SGMS1: variants seen among roughly 807,000 people sequenced by gnomAD.
The protein encoded by SGMS1 is sphingomyelin synthase 1, also known as phosphatidylcholine:ceramide cholinephosphotransferase 1.
Under a neutral mutation model 46.2 loss-of-function variants are expected in SGMS1, and 13 were observed. The ratio of observed to expected loss-of-function variants is 0.28; its 90% confidence interval spans 0.18 to 0.45. The LOEUF is 0.45. Among genes scored for constraint, SGMS1 ranks in the 20% least tolerant of loss-of-function variants. SGMS1 has a pLI of 1.00. For synonymous variants in SGMS1, 203 were observed against 187.8 expected, an observed-to-expected ratio of 1.08 and a Z score of -0.66; for missense variants, 324 against 519.9, an observed-to-expected ratio of 0.62 and a Z score of 3.66.
chr10:50,359,178 C>T, intron 6 of SGMS1, among the ~76,000 whole-genome samples: 1 of 152,136 alleles, frequency 6.6e-6, no homozygotes, highest in East Asian at 1.9e-4. Context: ...ATGTATTTTG[C>T]CTTTTTGTCC....
At chr10:50,506,808 C>A (rs746647505) in intron 3 of SGMS1, among the ~76,000 whole-genome samples, 1 of 152,198 alleles carries the variant, frequency 6.6e-6, no homozygotes, top group Non-Finnish European at 1.5e-5. Context: ...ATTAGCTGCA[C>A]CCTTCCCAGG....
intron 2 of SGMS1, among the ~76,000 whole-genome samples, chr10:50,556,318 A>T (rs543070060): frequency 6.6e-6 from 1 of 152,348 alleles, no homozygotes; most frequent in East Asian, 1.9e-4. Context: ...ACCACCCCAC[A>T]GTAGTGTCAG....
At chr10:50,471,877 T>A (rs974691715) in intron 3 of SGMS1, among the ~76,000 whole-genome samples, 3 of 152,210 alleles carry the variant, frequency 2.0e-5, no homozygotes, top group Non-Finnish European at 4.4e-5. Context: ...CAAAATAATC[T>A]TCTACATTAT....
chr10:50,419,745 G>A (rs1272347585), intron 6 of SGMS1, among the ~76,000 whole-genome samples: 1 of 152,090 alleles, frequency 6.6e-6, no homozygotes, highest in South Asian at 2.1e-4. Flanking sequence ...TAGATGGGAA[G>A]AAAAAAATGT....
chr10:50,538,607 C>T (rs956201194), intron 2 of SGMS1, among the ~76,000 whole-genome samples: 5 of 152,104 alleles, frequency 3.3e-5, no homozygotes, highest in African/African-American at 1.2e-4. Context: ...TCCTGATATA[C>T]ACACCCCTCA....
rs569720601 is a variant in SGMS1 at position 50,555,221 on chromosome 10, C to T, written c.-589+34932G>A. ...TAATGAATTGTAATCAGTGAAAAGCCTCACAAACATGAACTCTGTATTTTT... is the reference window on the plus strand; with the variant it reads ...TAATGAATTGTAATCAGTGAAAAGCTTCACAAACATGAACTCTGTATTTTT... On this transcript the variant is annotated intron_variant, in intron 2 of 10. Coordinates refer to ENST00000361781, the MANE Select transcript of SGMS1 (RefSeq NM_147156.4). 1.1e-3 allele frequency among the ~76,000 whole-genome samples: 168 copies of T among 152,328 alleles called. 1 individual carries two copies. Among genetic ancestry groups the T allele is most frequent in the African/African-American group, 4.0e-3 (166 of 41,562 alleles).
At chr10:50,575,617 A>C (rs1838377186) in intron 2 of SGMS1, among the ~76,000 whole-genome samples, 1 of 151,980 alleles carries the variant, frequency 6.6e-6, no homozygotes, top group Non-Finnish European at 1.5e-5. Flanking sequence ...TCCTCCCCCC[A>C]CACACAAAGG....
intron 1 of SGMS1, among the ~76,000 whole-genome samples, chr10:50,617,350 A>G (rs1272826207): frequency 6.6e-6 from 1 of 152,240 alleles, no homozygotes; most frequent in African/African-American, 2.4e-5. Flanking sequence ...GTCCATTTAC[A>G]TAAAATTCTA....
At chr10:50,364,305 A>G (rs1848300164) in intron 6 of SGMS1, among the ~76,000 whole-genome samples, 1 of 152,244 alleles carries the variant, frequency 6.6e-6, no homozygotes, top group Admixed American at 6.5e-5. Context: ...ATGAGTTGGC[A>G]GACTGAAAGT....
intron 6 of SGMS1, among the ~76,000 whole-genome samples, chr10:50,399,242 G>A (rs964218963): frequency 6.6e-6 from 1 of 152,102 alleles, no homozygotes; most frequent in African/African-American, 2.4e-5. Flanking sequence ...GGAAGGATGT[G>A]CTCAAATTCC....
At chr10:50,619,615 G>A (rs1410204885) in intron 1 of SGMS1, among the ~76,000 whole-genome samples, 2 of 152,214 alleles carry the variant, frequency 1.3e-5, no homozygotes, top group African/African-American at 4.8e-5. Flanking sequence ...AGGATCCTGT[G>A]CCAAGAACTG....
At position 50,343,685 on chromosome 10, in the gene SGMS1, A is replaced by C; in HGVS notation, c.430T>G (p.Ser144Ala). The C allele has an allele frequency of 6.2e-7, 1 of 1,614,198 alleles. No individual in the cohort carries two copies. Reference protein sequence around the residue: ...KTFLAFLYALSCFVLTTVMIS... With the variant: ...KTFLAFLYALACFVLTTVMIS... ...ATCACTGTGGTGAGAACGAAACAGG[A>C]AAGTGCATAAAGAAAGGCCAGAAAA... The change falls in exon 7 of 11, where the codon TCC becomes GCC. Residue 144 changes from serine (S) to alanine (A), a missense_variant. This residue lies in a region of SGMS1 where 174 missense variants were observed against 350.1 expected (regional missense o/e 0.50). Transcript: ENST00000361781.
chr10:50,395,006 G>A (rs1848826131), intron 6 of SGMS1, among the ~76,000 whole-genome samples: 1 of 152,076 alleles, frequency 6.6e-6, no homozygotes, highest in Admixed American at 6.6e-5. Flanking sequence ...TACATAACAG[G>A]AAGAGCTTGG....
At chr10:50,328,124 CT>C (rs1283036875) in intron 7 of SGMS1, 1 of 372,074 alleles carries the variant, frequency 2.7e-6, no homozygotes, top group East Asian at 8.8e-5. Context: ...TTGTATCTAT[CT>C]ATATACATAC....
chr10:50,439,325 A>G (rs971236209), intron 5 of SGMS1, among the ~76,000 whole-genome samples: 7 of 152,168 alleles, frequency 4.6e-5, no homozygotes, highest in African/African-American at 1.7e-4. Flanking sequence ...TTATCTCAGC[A>G]GGCCATCTTT....
At chr10:50,327,369 T>C (rs996281202) in intron 7 of SGMS1, 47 bp from the exon 8 acceptor site, 1 of 1,088,592 alleles carries the variant, frequency 9.2e-7, no homozygotes, top group African/African-American at 1.6e-5. Flanking sequence ...AGAAATTCTG[T>C]AGGTTCATTT....
At chr10:50,503,791 A>G (rs1412900947) in intron 3 of SGMS1, among the ~76,000 whole-genome samples, 1 of 152,224 alleles carries the variant, frequency 6.6e-6, no homozygotes, top group Non-Finnish European at 1.5e-5. Flanking sequence ...GTGCAGACAC[A>G]GTCCACAGGC....
intron 2 of SGMS1, among the ~76,000 whole-genome samples, chr10:50,529,672 TA>T (rs1423921805): frequency 6.6e-6 from 1 of 152,206 alleles, no homozygotes; most frequent in Non-Finnish European, 1.5e-5. Flanking sequence ...CTTACAGGTC[TA>T]AAAATGCCAT....
chr10:50,383,020 T>G (rs888341460), intron 6 of SGMS1, among the ~76,000 whole-genome samples: 5 of 152,234 alleles, frequency 3.3e-5, no homozygotes, highest in Non-Finnish European at 7.4e-5. Context: ...AACTCTACAA[T>G]AGAGTCTTAA....
Sources: gnomAD v4.1 joint callset for allele counts (sites outside exome capture counted in the v4.1 genomes callset) on GRCh38, gnomAD v4.1.1 for gene constraint, gnomAD v4.1.1 regional missense constraint, MANE v1.5 for transcripts, NCBI Gene and HGNC (gene_info 2026-07-23, HGNC 2026-07-21) for gene names.